Variants in FBXL7 observed in about 807,000 individuals in gnomAD.
The protein encoded by FBXL7 is F-box and leucine rich repeat protein 7, also known as F-box/LRR-repeat protein 7.
Under a neutral mutation model 38.3 loss-of-function variants are expected in FBXL7, and 12 were observed. The observed-to-expected ratio is 0.31, with a 90% CI of 0.20 to 0.51. The LOEUF (loss-of-function observed/expected upper bound fraction) is 0.51, where lower values mean the gene tolerates loss of function less well. Ranked by LOEUF, FBXL7 falls within the 20% of genes least tolerant of loss-of-function variation. FBXL7 has a pLI of 0.98. For missense variants in FBXL7, 567 were observed against 676.4 expected (o/e 0.84, Z 1.79); for synonymous variants, 297 against 300.9 (o/e 0.99, Z 0.13).
intron 1 of FBXL7, among the ~76,000 whole-genome samples, chr5:15,577,122 G>T (rs1241710506): frequency 6.6e-6 from 1 of 152,184 alleles, no homozygotes; most frequent in Non-Finnish European, 1.5e-5. Flanking sequence ...CGTCCTAGGA[G>T]CCTGGCTTCA....
intron 2 of FBXL7, among the ~76,000 whole-genome samples, chr5:15,891,834 C>A (rs1454601605): frequency 6.6e-6 from 1 of 152,172 alleles, no homozygotes; most frequent in African/African-American, 2.4e-5. Context: ...GAAGCTGTTA[C>A]CACACACAGT....
At chr5:15,841,615 A>C (rs1199207455) in intron 2 of FBXL7, among the ~76,000 whole-genome samples, 1 of 152,068 alleles carries the variant, frequency 6.6e-6, no homozygotes, top group East Asian at 1.9e-4. Flanking sequence ...TGCTTGAACT[A>C]CTTTGTATTT....
At chr5:15,705,863 T>A (rs566340664) in intron 2 of FBXL7, among the ~76,000 whole-genome samples, 2 of 151,814 alleles carry the variant, frequency 1.3e-5, no homozygotes, top group African/African-American at 4.8e-5. Flanking sequence ...AATAAATAAA[T>A]TTTTTTAACA....
chr5:15,813,705 A>C lies in FBXL7; in HGVS notation c.128-114185A>C, dbSNP rs915111798. On this transcript the variant is annotated intron_variant, in intron 2 of 3. Coordinates refer to ENST00000504595, the MANE Select transcript of FBXL7 (RefSeq NM_012304.5). ...GACAAAGGGCTAATATCCAGAATCT[A>C]CAAAGAACTTAAACAAATTTACAAG... is the stretch of plus-strand genomic sequence containing the variant. 2.0e-5 allele frequency among the ~76,000 whole-genome samples: 3 copies of C among 152,232 alleles called. No individual in the cohort carries two copies. The South Asian group carries it at 6.2e-4, about 31-fold the overall frequency.
intron 1 of FBXL7, among the ~76,000 whole-genome samples, chr5:15,504,181 G>T (rs1490253766): frequency 1.3e-5 from 2 of 152,240 alleles, no homozygotes; most frequent in African/African-American, 2.4e-5. Context: ...CAACTCCGGG[G>T]TGTTTGTTCT....
intron 2 of FBXL7, among the ~76,000 whole-genome samples, chr5:15,904,267 A>G (rs1358902581): frequency 6.6e-6 from 1 of 152,112 alleles, no homozygotes; most frequent in Non-Finnish European, 1.5e-5. Flanking sequence ...ACAGCAACAG[A>G]CCCTTTCTGA....
At chr5:15,761,943 T>C (rs1365283093) in intron 2 of FBXL7, among the ~76,000 whole-genome samples, 1 of 152,224 alleles carries the variant, frequency 6.6e-6, no homozygotes, top group Non-Finnish European at 1.5e-5. Flanking sequence ...TATCAAGTTA[T>C]CAATTGCTGT....
At chr5:15,929,065 C>G (rs1219008070) in intron 3 of FBXL7, among the ~76,000 whole-genome samples, 1 of 152,280 alleles carries the variant, frequency 6.6e-6, no homozygotes, top group Admixed American at 6.5e-5. Context: ...TGCTGTTGGT[C>G]CCTGGAGCCT....
intron 2 of FBXL7, among the ~76,000 whole-genome samples, chr5:15,913,601 G>A (rs906925777): frequency 3.3e-5 from 5 of 152,102 alleles, no homozygotes; most frequent in Non-Finnish European, 5.9e-5. Flanking sequence ...TCAATACTAT[G>A]CCATCTATTG....
At chr5:15,778,344 A>C (rs777810700) in intron 2 of FBXL7, among the ~76,000 whole-genome samples, 1 of 152,102 alleles carries the variant, frequency 6.6e-6, no homozygotes, top group Non-Finnish European at 1.5e-5. Flanking sequence ...TTTCTATCTC[A>C]AATTTCCTGC....
intron 2 of FBXL7, among the ~76,000 whole-genome samples, chr5:15,690,585 A>G (rs1260922792): frequency 6.6e-6 from 1 of 152,200 alleles, no homozygotes. Context: ...TATACAATAC[A>G]TTATTGTTAA....
chr5:15,805,860 A>C (rs1737698036), intron 2 of FBXL7, among the ~76,000 whole-genome samples: 1 of 152,202 alleles, frequency 6.6e-6, no homozygotes, highest in Admixed American at 6.5e-5. Context: ...TTACTAGTTT[A>C]TTTTAACTTG....
intron 2 of FBXL7, among the ~76,000 whole-genome samples, chr5:15,758,896 A>G (rs1372182509): frequency 6.9e-6 from 1 of 144,324 alleles, no homozygotes; most frequent in Non-Finnish European, 1.5e-5. Context: ...AGTAGTTATA[A>G]TTTTAGTGTC....
At chr5:15,564,378 CTGTGTGTGTGTGTGTGTG>C (rs33993480) in intron 1 of FBXL7, among the ~76,000 whole-genome samples, 1 of 147,402 alleles carries the variant, frequency 6.8e-6, no homozygotes, top group Non-Finnish European at 1.5e-5. Flanking sequence ...TCAGTAATAT[CTGTGTGTGTGTGTGTGTG>C]TGTGTGTGTG....
chr5:15,893,449 A>G (rs971309932), intron 2 of FBXL7, among the ~76,000 whole-genome samples: 1 of 152,220 alleles, frequency 6.6e-6, no homozygotes, highest in Non-Finnish European at 1.5e-5. Context: ...ACAGAAAATT[A>G]GTGCCACTGG....
chr5:15,575,142 C>T (rs776666290), intron 1 of FBXL7, among the ~76,000 whole-genome samples: 33 of 152,046 alleles, frequency 2.2e-4, no homozygotes, highest in Admixed American at 1.0e-3. Context: ...AAGAATCATC[C>T]GGTCTGAAAT....
intron 2 of FBXL7, among the ~76,000 whole-genome samples, chr5:15,660,486 A>G (rs1461316979): frequency 1.3e-5 from 2 of 152,140 alleles, no homozygotes; most frequent in African/African-American, 4.8e-5. Context: ...CCTCCCAAGT[A>G]GCTGGGATTA....
At chr5:15,611,677 C>A (rs1373550850) in intron 1 of FBXL7, among the ~76,000 whole-genome samples, 1 of 152,086 alleles carries the variant, frequency 6.6e-6, no homozygotes, top group Non-Finnish European at 1.5e-5. Context: ...CTAAATATCT[C>A]AAGTTATGAG....
intron 2 of FBXL7, among the ~76,000 whole-genome samples, chr5:15,733,957 A>T (rs1735679010): frequency 6.6e-6 from 1 of 152,070 alleles, no homozygotes; most frequent in Non-Finnish European, 1.5e-5. Context: ...AAATACAAAA[A>T]TTACCTGGGC....
Sources: gnomAD v4.1 joint callset for allele counts (sites outside exome capture counted in the v4.1 genomes callset) on GRCh38, gnomAD v4.1.1 for gene constraint, MANE v1.5 for transcripts, NCBI Gene and HGNC (gene_info 2026-07-23, HGNC 2026-07-21) for gene names.